UCK2: variants seen among roughly 807,000 people sequenced by gnomAD.
The protein encoded by UCK2 is cytidine monophosphokinase 2.
UCK2 carries 6 observed loss-of-function variants against 30.8 expected under a neutral mutation model. That is an observed-to-expected ratio of 0.19 (90% CI 0.11 to 0.38). The LOEUF (loss-of-function observed/expected upper bound fraction) is 0.38. Ranked by LOEUF, UCK2 falls within the 10% of genes least tolerant of loss-of-function variation. UCK2 has a pLI of 1.00. For synonymous variants in UCK2, 125 were observed against 133.6 expected (o/e 0.94, Z 0.45); for missense variants, 210 against 339.8 (o/e 0.62, Z 3.00).
At chr1:165,875,572 A>G (rs746947110) in intron 1 of UCK2, among the ~76,000 whole-genome samples, 3 of 152,210 alleles carry the variant, frequency 2.0e-5, no homozygotes, top group African/African-American at 4.8e-5. Flanking sequence ...TGCCCCCTGC[A>G]GACATGCAAA....
At chr1:165,833,054 TGA>T (rs2101847424) in intron 1 of UCK2, among the ~76,000 whole-genome samples, 1 of 152,250 alleles carries the variant, frequency 6.6e-6, no homozygotes, top group South Asian at 2.1e-4. Flanking sequence ...AGCTTGGCCG[TGA>T]GTCAGCATCT....
intron 3 of UCK2, chr1:165,895,642 G>A (rs759450074): frequency 3.1e-5 from 31 of 985,560 alleles, no homozygotes; most frequent in Admixed American, 1.8e-4. Flanking sequence ...ATGCTTTCTC[G>A]TCTGTATCCT....
intron 4 of UCK2, among the ~76,000 whole-genome samples, chr1:165,897,698 G>A (rs1163613931): frequency 3.9e-5 from 6 of 152,140 alleles, no homozygotes; most frequent in Non-Finnish European, 5.9e-5. Context: ...ATTTAGCACC[G>A]TAATTGTAAG....
At chr1:165,866,022 G>A (rs1306077970) in intron 1 of UCK2, among the ~76,000 whole-genome samples, 1 of 152,150 alleles carries the variant, frequency 6.6e-6, no homozygotes, top group Non-Finnish European at 1.5e-5. Context: ...GGTGGGCTAG[G>A]TAGTACGGGG....
At chr1:165,847,280 G>C (rs568597205) in intron 1 of UCK2, among the ~76,000 whole-genome samples, 5 of 152,288 alleles carry the variant, frequency 3.3e-5, no homozygotes, top group African/African-American at 1.2e-4. Context: ...TGTGAGGATT[G>C]TAAAGATTAC....
chr1:165,844,866 C>T (rs180844495), intron 1 of UCK2, among the ~76,000 whole-genome samples: 1 of 152,184 alleles, frequency 6.6e-6, no homozygotes, highest in East Asian at 1.9e-4. Flanking sequence ...TTGCACCCTT[C>T]CCACATGCCT....
intron 3 of UCK2, 160 bp from the exon 4 acceptor site, chr1:165,896,029 AG>A: frequency 2.3e-6 from 2 of 884,756 alleles, no homozygotes; most frequent in Non-Finnish European, 1.7e-6. Context: ...TGGTGGTCCG[AG>A]GGCTCTGTAA....
At chr1:165,832,882 C>T (rs763939109) in intron 1 of UCK2, among the ~76,000 whole-genome samples, 4 of 152,110 alleles carry the variant, frequency 2.6e-5, no homozygotes, top group South Asian at 2.1e-4. Flanking sequence ...CCTCTGTGCC[C>T]GGCCGGTTTT....
chr1:165,835,988 AGAG>A (rs1316122364), intron 1 of UCK2, among the ~76,000 whole-genome samples: 6 of 152,164 alleles, frequency 3.9e-5, no homozygotes. Flanking sequence ...TAGCACTTTG[AGAG>A]GCCTAGGCAG....
chr1:165,839,155 A>G (rs541567302), intron 1 of UCK2, among the ~76,000 whole-genome samples: 8 of 152,152 alleles, frequency 5.3e-5, no homozygotes, highest in Non-Finnish European at 7.3e-5. Context: ...GTTTAACTCA[A>G]TGCTTTTTTT....
intron 1 of UCK2, among the ~76,000 whole-genome samples, chr1:165,830,393 C>T (rs1011623391): frequency 4.6e-5 from 7 of 151,010 alleles, no homozygotes; most frequent in Non-Finnish European, 7.4e-5. Context: ...GGCATGATCT[C>T]GGCTCACTGC....
chr1:165,884,760 T>C (rs753399250), intron 1 of UCK2, among the ~76,000 whole-genome samples: 16 of 152,304 alleles, frequency 1.1e-4, no homozygotes, highest in African/African-American at 3.4e-4. Context: ...TAGAGAAATA[T>C]CCTTTGTGTA....
intron 4 of UCK2, among the ~76,000 whole-genome samples, chr1:165,900,985 G>A (rs1319779994): frequency 1.3e-5 from 2 of 152,100 alleles, no homozygotes; most frequent in Non-Finnish European, 2.9e-5. Flanking sequence ...ATTGGAGGCC[G>A]CGCTGGCTGT....
At position 165,865,046 on chromosome 1, in the gene UCK2, A is replaced by G. The variant is rs141140998; in HGVS notation, c.100-25158A>G. On this transcript the variant is annotated intron_variant, in intron 1 of 6. Transcript: ENST00000367879. ...ACACACTTTTGGTAACTTAATGTAT[A>G]CTGAACATCTCCCATATTACCAAAT... 1.8e-3 allele frequency among the ~76,000 whole-genome samples: 271 copies of G among 152,274 alleles called. 1 individual carries two copies. Among genetic ancestry groups the G allele is most frequent in the African/African-American group, 6.3e-3 (263 of 41,562 alleles).
intron 1 of UCK2, among the ~76,000 whole-genome samples, chr1:165,845,256 G>T (rs1263169046): frequency 6.6e-6 from 1 of 152,202 alleles, no homozygotes; most frequent in African/African-American, 2.4e-5. Context: ...ATACGTTTTG[G>T]TGACCAGAGG....
chr1:165,881,040 G>T (rs1430009518), intron 1 of UCK2, among the ~76,000 whole-genome samples: 1 of 151,864 alleles, frequency 6.6e-6, no homozygotes, highest in Non-Finnish European at 1.5e-5. Context: ...GGGTGTGGTG[G>T]TGCACACCTA....
chr1:165,875,001 A>G (rs1655298927), intron 1 of UCK2, among the ~76,000 whole-genome samples: 1 of 151,532 alleles, frequency 6.6e-6, no homozygotes, highest in Admixed American at 6.6e-5. Flanking sequence ...AAATAAAACT[A>G]ATGGGCATGA....
intron 1 of UCK2, among the ~76,000 whole-genome samples, chr1:165,878,455 T>G (rs960786694): frequency 6.6e-6 from 1 of 152,014 alleles, no homozygotes; most frequent in Non-Finnish European, 1.5e-5. Context: ...CTTAGCCTCC[T>G]GAGTAACTGG....
At chr1:165,866,029 G>A (rs1308715021) in intron 1 of UCK2, among the ~76,000 whole-genome samples, 1 of 152,116 alleles carries the variant, frequency 6.6e-6, no homozygotes, top group Non-Finnish European at 1.5e-5. Context: ...TAGGTAGTAC[G>A]GGGAATAGGG....
Sources: allele counts gnomAD v4.1 joint callset (sites outside exome capture counted in the v4.1 genomes callset), GRCh38; gene constraint gnomAD v4.1.1; transcripts MANE v1.5; gene names NCBI Gene and HGNC (gene_info 2026-07-23, HGNC 2026-07-21).